Variants in SAMD4A observed in about 807,000 individuals in gnomAD.
SAMD4A encodes the protein protein Smaug homolog 1.
A neutral mutation model predicts 81.3 loss-of-function variants in SAMD4A; 33 were observed. The ratio of observed to expected loss-of-function variants is 0.41; its 90% confidence interval spans 0.31 to 0.54. SAMD4A has a LOEUF of 0.54. Ranked by LOEUF, SAMD4A falls within the 20% of genes least tolerant of loss-of-function variation. SAMD4A has a pLI of 0.37. For synonymous variants in SAMD4A, 389 were observed against 382.1 expected (o/e 1.02, Z -0.21); for missense variants, 854 against 951.1 (o/e 0.90, Z 1.34).
At chr14:54,565,899 A>G (rs984172479), upstream of SAMD4A, among the ~76,000 whole-genome samples, 78 of 136,780 alleles carry the variant, frequency 5.7e-4, no homozygotes, top group African/African-American at 2.1e-3. The surrounding 1 kb of genome is among the most constrained non-coding windows in gnomAD (Gnocchi z 5.4). Context: ...AGCTCCTCCC[A>G]CTCCGCTCCC....
intron 2 of SAMD4A, among the ~76,000 whole-genome samples, chr14:54,625,551 A>G (rs1016500032): frequency 2.0e-5 from 3 of 152,182 alleles, no homozygotes; most frequent in African/African-American, 7.2e-5. Flanking sequence ...ACAAACTGTG[A>G]TTCTTCAGAT....
intron 2 of SAMD4A, among the ~76,000 whole-genome samples, chr14:54,569,340 T>C (rs1050217623): frequency 1.3e-5 from 2 of 152,092 alleles, no homozygotes; most frequent in African/African-American, 4.8e-5. Flanking sequence ...GTGAAAACAC[T>C]AGAATGGGAT....
At chr14:54,683,202 G>T (rs1378504195) in intron 2 of SAMD4A, among the ~76,000 whole-genome samples, 1 of 152,206 alleles carries the variant, frequency 6.6e-6, no homozygotes, top group African/African-American at 2.4e-5. Flanking sequence ...AGTGGCATTG[G>T]ATCTCAGGAC....
At chr14:54,738,684 G>A (rs2037761479) in intron 4 of SAMD4A, among the ~76,000 whole-genome samples, 1 of 152,230 alleles carries the variant, frequency 6.6e-6, no homozygotes, top group Non-Finnish European at 1.5e-5. Context: ...ATGGTTATGT[G>A]TTTAAGCAGC....
intron 3 of SAMD4A, among the ~76,000 whole-genome samples, chr14:54,717,908 T>C (rs1388611897): frequency 1.4e-5 from 2 of 141,192 alleles, no homozygotes; most frequent in Non-Finnish European, 3.0e-5. Flanking sequence ...TTTTGCTCAA[T>C]CTATGAGATT....
At chr14:54,774,813 CAAAAAAA>C (rs546617416) in intron 9 of SAMD4A, 114 bp from the exon 10 acceptor site, 370 of 643,208 alleles carry the variant, frequency 5.8e-4, no homozygotes, top group Middle Eastern at 1.6e-3. Flanking sequence ...GACCCTGACT[CAAAAAAA>C]AAAAAAAAAA....
intron 8 of SAMD4A, among the ~76,000 whole-genome samples, chr14:54,769,483 G>T (rs138781950): frequency 9.2e-5 from 14 of 152,296 alleles, no homozygotes; most frequent in African/African-American, 3.1e-4. Context: ...CACCAGTTTT[G>T]CTAGAAAAGA....
chr14:54,722,755 A>C (rs971903513), intron 3 of SAMD4A, among the ~76,000 whole-genome samples: 1 of 152,188 alleles, frequency 6.6e-6, no homozygotes, highest in Non-Finnish European at 1.5e-5. Flanking sequence ...ATTTTGAGTT[A>C]ACTCGGGGGT....
At chr14:54,639,801 A>AACAC (rs10677522) in intron 2 of SAMD4A, among the ~76,000 whole-genome samples, 40,413 of 148,768 alleles carry the variant, frequency 0.27, 5,608 homozygotes, top group East Asian at 0.4. Flanking sequence ...CATTGCTTGA[A>AACAC]ACACACACAC....
intron 4 of SAMD4A, among the ~76,000 whole-genome samples, chr14:54,747,507 C>T (rs1259615432): frequency 6.6e-6 from 1 of 152,168 alleles, no homozygotes; most frequent in Non-Finnish European, 1.5e-5. Flanking sequence ...GGAAGGTGCT[C>T]GCTTGTTTTG....
At chr14:54,653,192 A>G (rs2035443599) in intron 2 of SAMD4A, among the ~76,000 whole-genome samples, 1 of 151,766 alleles carries the variant, frequency 6.6e-6, no homozygotes, top group Non-Finnish European at 1.5e-5. Flanking sequence ...TCACCCTGCA[A>G]AGAACACCCC....
chr14:54,573,573 G>A (rs1046303176), intron 2 of SAMD4A, among the ~76,000 whole-genome samples: 37 of 152,272 alleles, frequency 2.4e-4, no homozygotes, highest in Middle Eastern at 3.4e-3. Flanking sequence ...TATGGTGCTC[G>A]TAGAAATCTT....
chr14:54,748,771 C>A, intron 4 of SAMD4A, 44 bp from the exon 5 acceptor site: 2 of 1,299,170 alleles, frequency 1.5e-6, no homozygotes, highest in Non-Finnish European at 2.2e-6. Context: ...TCTTCTCATT[C>A]CCTCTCATTT....
At chr14:54,626,389 T>C (rs1377910990) in intron 2 of SAMD4A, among the ~76,000 whole-genome samples, 1 of 152,172 alleles carries the variant, frequency 6.6e-6, no homozygotes, top group East Asian at 1.9e-4. Context: ...AAGAAGCTAA[T>C]TGACATGGCA....
chr14:54,686,414 T>A (rs2036270534), intron 2 of SAMD4A, among the ~76,000 whole-genome samples: 2 of 152,150 alleles, frequency 1.3e-5, no homozygotes, highest in South Asian at 4.1e-4. Flanking sequence ...GGGGCTTGCG[T>A]CATATAACAG....
chr14:54,684,663 T>A (rs2036214606), intron 2 of SAMD4A, among the ~76,000 whole-genome samples: 1 of 121,400 alleles, frequency 8.2e-6, no homozygotes, highest in South Asian at 2.9e-4. Context: ...CTCAGCTGGG[T>A]GCCGCCCCCT....
chr14:54,639,744 G>A (rs546777863), intron 2 of SAMD4A, among the ~76,000 whole-genome samples: 6 of 149,896 alleles, frequency 4.0e-5, no homozygotes, highest in African/African-American at 1.2e-4. Context: ...TGCTAGGGAT[G>A]CCTGCTACTT....
At chr14:54,747,440 T>A (rs1197732271) in intron 4 of SAMD4A, among the ~76,000 whole-genome samples, 1 of 152,242 alleles carries the variant, frequency 6.6e-6, no homozygotes, top group African/African-American at 2.4e-5. Flanking sequence ...GATTTCAGAA[T>A]AGTCCAGGCC....
chr14:54,761,693 C>T (rs1042413336), intron 7 of SAMD4A, among the ~76,000 whole-genome samples: 2 of 152,242 alleles, frequency 1.3e-5, no homozygotes, highest in Non-Finnish European at 2.9e-5. Context: ...TGCACATCCA[C>T]ATGGGACAGC....
Sources: allele counts gnomAD v4.1 joint callset (sites outside exome capture counted in the v4.1 genomes callset), GRCh38; gene constraint gnomAD v4.1.1; non-coding constraint Gnocchi (gnomAD v3.1); transcripts MANE v1.5; gene names NCBI Gene and HGNC (gene_info 2026-07-23, HGNC 2026-07-21).